LSM14B: variants seen among roughly 807,000 people sequenced by gnomAD.
The protein encoded by LSM14B is LSM family member 14B.
In LSM14B, 8 loss-of-function variants were observed where a neutral mutation model predicts 42.1. The ratio of observed to expected loss-of-function variants is 0.19; its 90% CI spans 0.11 to 0.34. The LOEUF (loss-of-function observed/expected upper bound fraction) is 0.34. Among genes scored for constraint, LSM14B ranks in the 10% least tolerant of loss-of-function variants. The pLI, the probability that LSM14B is intolerant of heterozygous loss-of-function variation, is 1.00. For synonymous variants in LSM14B, 219 were observed against 209.7 expected, an observed-to-expected ratio of 1.04 and a Z score of -0.38; for missense variants, 396 against 513.1, an observed-to-expected ratio of 0.77 and a Z score of 2.21.
chr20:62,127,578 C>T (rs747259902), intron 3 of LSM14B: 35 of 1,541,140 alleles, frequency 2.3e-5, no homozygotes, highest in Admixed American at 1.4e-4. Context: ...CCTTTATCTT[C>T]CTTTAGAGAA....
chr20:62,135,200 TA>T lies in LSM14B; in HGVS notation c.*1054del, dbSNP rs2056871629. The T allele has an allele frequency of 1.3e-5, 2 of 152,252 alleles. No individual in the cohort carries two copies. The allele number at this position is 152,252 out of a possible 1,614,324, so 9.4% of individuals were successfully genotyped here. A position where few individuals can be genotyped will look rare whatever the true frequency, so the allele number is the denominator to read the frequency against. ...ATTTTGTCGAAAATAAGCACCTTGG[TA>T]ACTAAACCCCTCTAATAGCTATAAA... is the stretch of plus-strand genomic sequence containing the variant. On this transcript the variant is annotated 3_prime_UTR_variant, in exon 9 of 9. Coordinates refer to ENST00000279068, the MANE Select transcript of LSM14B (RefSeq NM_144703.3).
Position 62,130,278 on chromosome 20 carries a change from C to T in LSM14B, c.655C>T (p.Pro219Ser). 1.2e-6 allele frequency: 2 copies of T among 1,601,014 alleles called. No homozygotes were observed. Among genetic ancestry groups the T allele is most frequent in the South Asian group, 1.1e-5 (1 of 88,838 alleles). ...GCAGGTGAATGACGAGAACAGAAGA[C>T]CTCAGAGGAGGCGATCAGGTAACAC... is the stretch of plus-strand genomic sequence containing the variant. ...QGQVNDENRR[P>S]QRRRSGNRRT... is the part of the protein sequence containing the mutation. Residue 219 changes from proline to serine, a missense_variant, in exon 5 of 9, where the codon CCT (proline) becomes TCT (serine). Pro to Ser is a moderately conservative substitution (Grantham distance 74, BLOSUM62 -1). Around this residue, in one of 3 missense-constraint regions of LSM14B, gnomAD observed 274 missense variants for 335.8 expected, o/e 0.82. Coordinates refer to ENST00000279068, the MANE Select transcript of LSM14B (RefSeq NM_144703.3). The surrounding 1 kb of genome is among the most constrained non-coding windows in gnomAD (Gnocchi z 4.1).
chr20:62,127,816 G>A, intron 3 of LSM14B: 1 of 790,912 alleles, frequency 1.3e-6, no homozygotes, highest in Non-Finnish European at 2.2e-6. Context: ...AGCCCATGCA[G>A]CCGCTGAGCT....
Position 62,124,648 on chromosome 20 carries a change from A to T in LSM14B, c.159A>T (p.Thr53=). The T allele has an allele frequency of 6.2e-7, 1 of 1,613,956 alleles. No individual in the cohort carries two copies. Among genetic ancestry groups the T allele is most frequent in the Non-Finnish European group, 8.5e-7 (1 of 1,179,860 alleles). Residue 53 remains threonine, a synonymous_variant, in exon 2 of 9, where the codon ACA becomes ACT. Coordinates refer to ENST00000279068, the MANE Select transcript of LSM14B (RefSeq NM_144703.3). ...CCTTTGGCACTGAAGACCGTCCCACAGATAGGCCTGCGCCCCCCAGAGAGG... is the reference window on the plus strand; with the variant it reads ...CCTTTGGCACTGAAGACCGTCCCACTGATAGGCCTGCGCCCCCCAGAGAGG... ...VRSFGTEDRP[T]DRPAPPREEI...
intron 3 of LSM14B, 104 bp downstream of exon 3, chr20:62,126,543 C>A: frequency 7.0e-7 from 1 of 1,421,382 alleles, no homozygotes; most frequent in Non-Finnish European, 9.5e-7. Flanking sequence ...TCATGCTCAG[C>A]TTGTAGACTG....
intron 1 of LSM14B, among the ~76,000 whole-genome samples, chr20:62,124,303 G>A (rs577550051): frequency 3.6e-4 from 55 of 152,372 alleles, no homozygotes; most frequent in African/African-American, 7.9e-4. Flanking sequence ...GAGGCCTTAC[G>A]AAGCAAGCCT....
At chr20:62,129,683 C>T in intron 3 of LSM14B, 102 bp from the exon 4 acceptor site, 3 of 1,292,116 alleles carry the variant, frequency 2.3e-6, no homozygotes, top group Non-Finnish European at 3.1e-6. Flanking sequence ...GGCAGTTGCC[C>T]TCCTTTCCTT....
At chr20:62,123,392 A>G (rs1387595098) in intron 1 of LSM14B, 2 of 152,454 alleles carry the variant, frequency 1.3e-5, no homozygotes, top group Non-Finnish European at 2.9e-5. Flanking sequence ...ATCCGTTGGC[A>G]GCCAGATGCC....
chr20:62,135,272 A>G lies in LSM14B; in HGVS notation c.*1124A>G, dbSNP rs2056873386. ...TAAGTTACTGTAAAAGCTTGGGTTT[A>G]TTTTTGTAGGACTTAATGGCTAAGA... On this transcript the variant is annotated 3_prime_UTR_variant, in exon 9 of 9. Coordinates refer to ENST00000279068, the MANE Select transcript of LSM14B (RefSeq NM_144703.3). 1 of 152,332 alleles carries G rather than the reference A, an allele frequency of 6.6e-6. No individual in the cohort carries two copies. Among genetic ancestry groups the G allele is most frequent in the Non-Finnish European group, 1.5e-5 (1 of 68,022 alleles). 9.4% of individuals were successfully genotyped at this position (152,332 alleles called of 1,614,324 possible). A position where few individuals can be genotyped will look rare whatever the true frequency, so the allele number is the denominator to read the frequency against.
intron 3 of LSM14B, chr20:62,127,735 T>G (rs1568708325): frequency 7.1e-7 from 1 of 1,406,292 alleles, no homozygotes; most frequent in Admixed American, 2.0e-5. Flanking sequence ...CATGCTGTCT[T>G]GCAAACCATT....
At chr20:62,123,046 C>T (rs1366988502) in intron 1 of LSM14B, 1 of 203,632 alleles carries the variant, frequency 4.9e-6, no homozygotes, top group Non-Finnish European at 9.7e-6. Context: ...CCCAGGGCGG[C>T]GGGATTGTGC....
At chr20:62,126,583 T>G (rs1469043205) in intron 3 of LSM14B, 144 bp downstream of exon 3, 1 of 1,091,570 alleles carries the variant, frequency 9.2e-7, no homozygotes, top group Non-Finnish European at 1.3e-6. Context: ...AATTACCCAG[T>G]GCAACTTCCG....
At chr20:62,128,111 T>C (rs2056657390) in intron 3 of LSM14B, 23 of 432,742 alleles carry the variant, frequency 5.3e-5, no homozygotes, top group South Asian at 4.7e-4. Flanking sequence ...AGATCACTCA[T>C]TGAGGGGATT....
At chr20:62,132,234 C>T (rs2056788823) in intron 7 of LSM14B, among the ~76,000 whole-genome samples, 1 of 152,208 alleles carries the variant, frequency 6.6e-6, no homozygotes, top group Non-Finnish European at 1.5e-5. Flanking sequence ...ATGATCAGTT[C>T]TCACAGGCAG....
At position 62,124,849 on chromosome 20, in the gene LSM14B, T is replaced by C. The variant is rs1423602166; in HGVS notation, c.291+69T>C. 3 of 1,507,520 alleles carry C rather than the reference T, an allele frequency of 2.0e-6. No homozygotes were observed. The African/African-American group carries it at 4.2e-5, about 21-fold the overall frequency. The allele number at this position is 1,507,520 out of a possible 1,614,324, so 93.4% of individuals were successfully genotyped here. ...GGTTTCCATTTGGAGCTTGGTGGCATGTTTGGTCAGAACGCTCAATGTGAG... is the reference window on the plus strand; with the variant it reads ...GGTTTCCATTTGGAGCTTGGTGGCACGTTTGGTCAGAACGCTCAATGTGAG... On this transcript the variant is annotated intron_variant, in intron 2 of 8. Coordinates refer to ENST00000279068, the MANE Select transcript of LSM14B (RefSeq NM_144703.3).
Position 62,128,963 on chromosome 20 carries a change from C to T in LSM14B, c.428-822C>T, listed in dbSNP as rs775325755. 8.4e-6 allele frequency: 11 copies of T among 1,304,206 alleles called. 1 individual carries two copies. In the South Asian group the frequency reaches 1.4e-4, roughly 16 times the overall value. The allele number at this position is 1,304,206 out of a possible 1,614,324, so 80.8% of individuals were successfully genotyped here. On this transcript the variant is annotated intron_variant, in intron 3 of 8. Coordinates refer to ENST00000279068, the MANE Select transcript of LSM14B (RefSeq NM_144703.3). The stretch of plus-strand genomic sequence containing the variant: ...TTTCAGATCTCTGTTCACTTACACC[C>T]AGTCCCACATTGTCCTGTTTAGAGT...
chr20:62,126,275 C>A (rs1286401405), intron 2 of LSM14B, 29 bp from the exon 3 acceptor site: 2 of 1,613,890 alleles, frequency 1.2e-6, no homozygotes, highest in Non-Finnish European at 1.7e-6. Flanking sequence ...ATGGCCTTCG[C>A]CGTTCTCACC....
At chr20:62,128,881 T>C (rs1247904076) in intron 3 of LSM14B, 2 of 1,113,094 alleles carry the variant, frequency 1.8e-6, no homozygotes, top group Non-Finnish European at 2.4e-6. Flanking sequence ...CCAGTCTTCA[T>C]GTGTATTGGG....
In LSM14B at chr20:62,130,367, T is replaced by A; in HGVS notation, c.673+71T>A. ...GCTGAGCTCTGCTTGCCCTCCTGCC[T>A]GCTTCTCTGGTTGACGGTTTCAGGG... On this transcript the variant is annotated intron_variant, in intron 5 of 8. Coordinates refer to ENST00000279068, the MANE Select transcript of LSM14B (RefSeq NM_144703.3). The surrounding 1 kb of genome is among the most constrained non-coding windows in gnomAD (Gnocchi z 4.1). The A allele has an allele frequency of 6.5e-7, 1 of 1,542,118 alleles. No homozygotes were observed. The highest frequency in any genetic ancestry group is 8.8e-7 in the Non-Finnish European group (1 of 1,136,946).
Sources: gnomAD v4.1 joint callset for allele counts (sites outside exome capture counted in the v4.1 genomes callset) on GRCh38, gnomAD v4.1.1 for gene constraint, gnomAD v4.1.1 regional missense constraint, Gnocchi (gnomAD v3.1) non-coding constraint, MANE v1.5 for transcripts, NCBI Gene and HGNC (gene_info 2026-07-23, HGNC 2026-07-21) for gene names.